The following PITPNM2 variants were observed in gnomAD, a reference collection of about 807,000 sequenced individuals.
The protein encoded by PITPNM2 is phosphatidylinositol transfer protein membrane associated 2, also known as membrane-associated phosphatidylinositol transfer protein 2.
Under a neutral mutation model 132.2 loss-of-function variants are expected in PITPNM2, and 35 were observed. The observed-to-expected ratio is 0.26, with a 90% confidence interval of 0.20 to 0.35. The LOEUF (loss-of-function observed/expected upper bound fraction) is 0.35, where lower values mean the gene tolerates loss of function less well. Ranked by LOEUF, PITPNM2 falls within the 10% of genes least tolerant of loss-of-function variation. The pLI, the probability that PITPNM2 is intolerant of heterozygous loss-of-function variation, is 1.00. For missense variants in PITPNM2, 1,332 were observed against 1,912.0 expected, an observed-to-expected ratio of 0.70 and a Z score of 5.66; for synonymous variants, 738 against 799.2, an observed-to-expected ratio of 0.92 and a Z score of 1.29.
chr12:123,134,847 C>T (rs1206147490), intron 1 of PITPNM2, among the ~76,000 whole-genome samples: 1 of 152,122 alleles, frequency 6.6e-6, no homozygotes, highest in East Asian at 1.9e-4. Flanking sequence ...CTCTGCGGGA[C>T]TCAGTTTTCT....
rs1199802585 is a variant in PITPNM2, at chr12:122,992,852, G to A, written c.2234-183C>T. Among the ~76,000 whole-genome samples, 1 of 152,144 alleles carries A rather than the reference G, an allele frequency of 6.6e-6. No homozygotes were observed. Among genetic ancestry groups the A allele is most frequent in the Admixed American group, 6.5e-5 (1 of 15,278 alleles). ...CACTTTTTTGTTTGTTTGAGACAGGGTCTTGCTCTGTCACCCAGGCTGGAG... is the reference window on the plus strand; with the variant it reads ...CACTTTTTTGTTTGTTTGAGACAGGATCTTGCTCTGTCACCCAGGCTGGAG... On this transcript the variant is annotated intron_variant, in intron 15 of 25. Coordinates refer to ENST00000320201, the MANE Select transcript of PITPNM2 (RefSeq NM_020845.3). This position sits in a 1 kb window ranked among gnomAD's most constrained non-coding sequence, Gnocchi z 6.5.
At chr12:123,003,896 T>G (rs922790144) in intron 8 of PITPNM2, among the ~76,000 whole-genome samples, 1 of 152,260 alleles carries the variant, frequency 6.6e-6, no homozygotes, top group African/African-American at 2.4e-5. Context: ...ATCTGCTGTA[T>G]GGTCATGCGC....
chr12:122,992,531 T>C lies in PITPNM2; in HGVS notation c.2372A>G (p.Tyr791Cys). ...CGTGGAGCAGCCATCCCCCAGCGGG[T>C]AGCGTTGGTAGCGGGGGACGCTGAA... ...PPFSVPRYQR[Y>C]PLGDGCSTLL... Residue 791 changes from tyrosine to cysteine, a missense_variant, in exon 16 of 26, where the codon TAC becomes TGC. This residue lies in a region of PITPNM2 where 710 missense variants were observed against 911.5 expected (regional missense o/e 0.78). Coordinates refer to ENST00000320201, the MANE Select transcript of PITPNM2 (RefSeq NM_020845.3). This position sits in a 1 kb window ranked among gnomAD's most constrained non-coding sequence, Gnocchi z 6.5. 6.2e-7 allele frequency: 1 copy of C among 1,610,816 alleles called. No individual in the cohort carries two copies. Among genetic ancestry groups the C allele is most frequent in the Non-Finnish European group, 8.5e-7 (1 of 1,179,386 alleles).
chr12:123,094,246 C>T (rs1453744498), intron 2 of PITPNM2, among the ~76,000 whole-genome samples: 1 of 152,230 alleles, frequency 6.6e-6, no homozygotes, highest in Non-Finnish European at 1.5e-5. Context: ...AGGGGCTGAC[C>T]AAGGTGACAG....
At position 123,009,981 on chromosome 12, in the gene PITPNM2, G is replaced by C; in HGVS notation, c.512C>G (p.Pro171Arg). 6.2e-7 allele frequency: 1 copy of C among 1,614,196 alleles called. No homozygotes were observed. Among genetic ancestry groups the C allele is most frequent in the Admixed American group, 1.7e-5 (1 of 60,024 alleles). The part of the protein sequence containing the change: ...LFQSTKTQRG[P>R]LSENWIEEYK... ...CTCCTCGATCCAGTTCTCGGACAGGGGCCCCCGCTGGGTCTTGGTTGACTG... is the reference window on the plus strand; with the variant it reads ...CTCCTCGATCCAGTTCTCGGACAGGCGCCCCCGCTGGGTCTTGGTTGACTG... Residue 171 changes from proline to arginine, a missense_variant, in exon 6 of 26, where the codon CCC becomes CGC. By Grantham distance (103) the Pro-to-Arg change is moderately radical (BLOSUM62 -2). Transcript: ENST00000320201. This position sits in a 1 kb window ranked among gnomAD's most constrained non-coding sequence, Gnocchi z 4.8.
intron 2 of PITPNM2, among the ~76,000 whole-genome samples, chr12:123,100,952 G>C (rs1344134005): frequency 6.6e-6 from 1 of 152,088 alleles, no homozygotes; most frequent in Non-Finnish European, 1.5e-5. Context: ...ATCATTCCAC[G>C]TGCCCCATTC....
intron 1 of PITPNM2, among the ~76,000 whole-genome samples, chr12:123,146,125 A>C (rs2043611743): frequency 6.6e-6 from 1 of 152,022 alleles, no homozygotes; most frequent in South Asian, 2.1e-4. Context: ...GGACACATAG[A>C]GGGGGGTAAC....
At chr12:123,041,023 G>A (rs550209865) in intron 2 of PITPNM2, among the ~76,000 whole-genome samples, 24 of 152,330 alleles carry the variant, frequency 1.6e-4, no homozygotes, top group African/African-American at 5.8e-4. Context: ...TTTGAGTGGT[G>A]TGTGTGTAAA....
intron 2 of PITPNM2, among the ~76,000 whole-genome samples, chr12:123,062,846 C>G (rs1307539320): frequency 6.6e-6 from 1 of 152,212 alleles, no homozygotes; most frequent in Non-Finnish European, 1.5e-5. Context: ...CACCACATAT[C>G]TGTGTGAACC....
In PITPNM2 at chr12:122,995,627, T is replaced by G. The variant is rs1421018842; in HGVS notation, c.1816A>C (p.Asn606His). 3 of 1,602,914 alleles carry G rather than the reference T, an allele frequency of 1.9e-6. No homozygotes were observed. The highest frequency in any genetic ancestry group is 2.5e-6 in the Non-Finnish European group (3 of 1,178,736). Residue 606 changes from asparagine (N) to histidine (H), a missense_variant, in exon 14 of 26, where the codon AAT becomes CAT. Coordinates refer to ENST00000320201, the MANE Select transcript of PITPNM2 (RefSeq NM_020845.3). ...NDLLSPGILM[N>H]AAHCCGGGGG... ...CCACCACCGCAGCAGTGTGCTGCAT[T>G]CATCAGGATGCCCGGGGACAGCAGG...
chr12:123,114,961 A>G (rs539712238), intron 1 of PITPNM2, among the ~76,000 whole-genome samples: 1 of 152,316 alleles, frequency 6.6e-6, no homozygotes, highest in African/African-American at 2.4e-5. Flanking sequence ...CATGAGGGCC[A>G]GGCGTGCTAC....
chr12:122,988,930 A>G, intron 18 of PITPNM2, 58 bp from the exon 19 acceptor site: 1 of 1,475,310 alleles, frequency 6.8e-7, no homozygotes, highest in Middle Eastern at 2.1e-4. Flanking sequence ...GGGACCCCGA[A>G]GGGTCACCCG....
intron 3 of PITPNM2, among the ~76,000 whole-genome samples, chr12:123,025,800 G>A (rs1285553327): frequency 2.0e-5 from 3 of 152,154 alleles, no homozygotes; most frequent in African/African-American, 7.2e-5. Context: ...ACCTCTTCCA[G>A]TAGCATCATT....
In PITPNM2 at chr12:122,995,475, G is replaced by A; in HGVS notation, c.1968C>T (p.Asp656=). The change falls in exon 14 of 26, where the codon GAC becomes GAT. Residue 656 remains aspartate, a synonymous_variant. Coordinates refer to ENST00000320201, the MANE Select transcript of PITPNM2 (RefSeq NM_020845.3). The stretch of plus-strand genomic sequence containing the variant: ...TCTTGCGGGGCAGTTGCCTTTTGGG[G>A]TCCTCAGTGCCGTTGCTGCGGGGGA... ...VDIPRSNGTE[D]PKRQLPRKRS... is the part of the protein sequence containing the mutation. The A allele has an allele frequency of 6.2e-7, 1 of 1,614,032 alleles. No individual in the cohort carries two copies. The highest frequency in any genetic ancestry group is 1.3e-5 in the African/African-American group (1 of 75,052).
Position 123,022,389 on chromosome 12 carries a change from C to T in PITPNM2, c.79-8347G>A, listed in dbSNP as rs201135529. Among the ~76,000 whole-genome samples the T allele has an allele frequency of 6.6e-5, 10 of 152,250 alleles. No homozygotes were observed. The East Asian group carries it at 1.9e-3, about 29-fold the overall frequency. Reference sequence around the variant, plus strand: ...ATCAGACACCAGCGCTCCTCGTGCACACTAGGGCTGAGACTCAGATAGCGG... The same window carrying T: ...ATCAGACACCAGCGCTCCTCGTGCATACTAGGGCTGAGACTCAGATAGCGG... On this transcript the variant is annotated intron_variant, in intron 3 of 25. Coordinates refer to ENST00000320201, the MANE Select transcript of PITPNM2 (RefSeq NM_020845.3). The surrounding 1 kb of genome is among the most constrained non-coding windows in gnomAD (Gnocchi z 4.9).
chr12:123,025,514 T>C (rs1305056000), intron 3 of PITPNM2, among the ~76,000 whole-genome samples: 2 of 150,836 alleles, frequency 1.3e-5, no homozygotes, highest in Non-Finnish European at 3.0e-5. Flanking sequence ...GCTCACCGCA[T>C]CCTCTGCCTC....
chr12:123,074,035 C>T (rs1344943384), intron 2 of PITPNM2, among the ~76,000 whole-genome samples: 5 of 152,126 alleles, frequency 3.3e-5, no homozygotes, highest in African/African-American at 9.7e-5. Context: ...CAGCCATGCC[C>T]GGTGCAGAGC....
intron 1 of PITPNM2, among the ~76,000 whole-genome samples, chr12:123,125,808 C>T (rs1483530387): frequency 1.6e-5 from 2 of 128,400 alleles, no homozygotes; most frequent in Non-Finnish European, 3.2e-5. Context: ...CTCCACTGTA[C>T]TCCAGCCTGG....
intron 2 of PITPNM2, among the ~76,000 whole-genome samples, chr12:123,050,954 T>C (rs1168287370): frequency 6.6e-6 from 1 of 152,200 alleles, no homozygotes. Context: ...GCATCAGAGA[T>C]AGCTGGGTTG....
Sources: allele counts gnomAD v4.1 joint callset (sites outside exome capture counted in the v4.1 genomes callset), GRCh38; gene constraint gnomAD v4.1.1; regional missense constraint gnomAD v4.1.1; non-coding constraint Gnocchi (gnomAD v3.1); transcripts MANE v1.5; gene names NCBI Gene and HGNC (gene_info 2026-07-23, HGNC 2026-07-21).